Variants in HIF3A observed in about 807,000 individuals in gnomAD.
HIF3A encodes hypoxia inducible factor 3 subunit alpha.
Under a neutral mutation model 67.2 loss-of-function variants are expected in HIF3A, and 41 were observed. That is an observed-to-expected ratio of 0.61 (90% confidence interval 0.48 to 0.79). The LOEUF (loss-of-function observed/expected upper bound fraction) is 0.79, where lower values mean the gene tolerates loss of function less well. HIF3A is among the 30% of genes least tolerant of loss of function. HIF3A has a pLI of 0.00. For synonymous variants in HIF3A, 356 were observed against 374.8 expected (o/e 0.95, Z 0.58); for missense variants, 855 against 898.0 (o/e 0.95, Z 0.61).
chr19:46,321,243 C>G lies in HIF3A; in HGVS notation c.1145-533C>G, dbSNP rs118026115. On this transcript the variant is annotated intron_variant, in intron 9 of 14. Transcript: ENST00000377670. ...CCAAATGCTGTTCTGAGCCACCAAT[C>G]CCTTCCCCTCGGACCTTTCAGAGCC... Among the ~76,000 whole-genome samples, 156 of 152,256 alleles carry G rather than the reference C, an allele frequency of 1.0e-3. 1 individual carries two copies. The East Asian group carries it at 0.028, about 28-fold the overall frequency.
chr19:46,330,272 G>A (rs1337549360), intron 12 of HIF3A, among the ~76,000 whole-genome samples: 1 of 152,176 alleles, frequency 6.6e-6, no homozygotes, highest in Non-Finnish European at 1.5e-5. Context: ...CACTTTAATG[G>A]GTGGACAGGT....
chr19:46,303,925 G>C lies in HIF3A; in HGVS notation c.54G>C (p.Lys18Asn), dbSNP rs1196552259. The C allele has an allele frequency of 1.2e-6, 2 of 1,608,966 alleles. No homozygotes were observed. Among genetic ancestry groups the C allele is most frequent in the Admixed American group, 3.4e-5 (2 of 59,564 alleles). Residue 18 changes from lysine to asparagine, a missense_variant, in exon 2 of 15, where the codon AAG becomes AAC. Lys to Asn is a moderately conservative substitution (Grantham distance 94). Transcript: ENST00000377670. ...ARSTTELRKEKSRDAARSRRS... is the reference protein window; with the variant it reads ...ARSTTELRKENSRDAARSRRS... ...CGACCACGGAGCTGCGCAAGGAAAAGTCCCGGGATGCGGCCCGCAGCCGGC... is the reference window on the plus strand; with the variant it reads ...CGACCACGGAGCTGCGCAAGGAAAACTCCCGGGATGCGGCCCGCAGCCGGC...
At chr19:46,313,200 G>A (rs747934821) in intron 8 of HIF3A, 60 of 701,502 alleles carry the variant, frequency 8.6e-5, no homozygotes, top group Middle Eastern at 1.4e-3. Context: ...GCAGTGAGCC[G>A]AGATTGCGTC....
Position 46,325,520 on chromosome 19 carries a change from T to C in HIF3A, c.1336-15T>C. The C allele has an allele frequency of 6.3e-7, 1 of 1,586,762 alleles. No homozygotes were observed. Among genetic ancestry groups the C allele is most frequent in the South Asian group, 1.1e-5 (1 of 90,502 alleles). The stretch of plus-strand genomic sequence containing the variant: ...GCTCAAGATTTCCTGAAGTTTCTAC[T>C]CCATCTCTCCACAGGCTGATCTCCC... On this transcript the variant is annotated splice_polypyrimidine_tract_variant and intron_variant, in intron 10 of 14. Coordinates refer to ENST00000377670, the MANE Select transcript of HIF3A (RefSeq NM_152795.4).
chr19:46,335,723 G>A (rs1325422654), intron 14 of HIF3A, among the ~76,000 whole-genome samples: 3 of 151,986 alleles, frequency 2.0e-5, no homozygotes, highest in Admixed American at 6.6e-5. Context: ...GCAACACAGC[G>A]AGACCCTGTC....
rs868348544 is a variant in HIF3A at position 46,297,732 on chromosome 19, G to T, written c.26+630G>T. Reference sequence around the variant, plus strand: ...AAGCCGTCTGGGACCCTTCCCAAGAGACTTTTTGTATCCTTTCAAAAGCCA... The same window carrying T: ...AAGCCGTCTGGGACCCTTCCCAAGATACTTTTTGTATCCTTTCAAAAGCCA... On this transcript the variant is annotated intron_variant, in intron 1 of 14. Transcript: ENST00000377670. This position sits in a 1 kb window ranked among gnomAD's most constrained non-coding sequence, Gnocchi z 4.5. Among the ~76,000 whole-genome samples the T allele has an allele frequency of 6.6e-5, 10 of 152,180 alleles. No homozygotes were observed. In the South Asian group the frequency reaches 1.0e-3, roughly 16 times the overall value.
intron 2 of HIF3A, 115 bp downstream of exon 2, chr19:46,304,203 T>A: frequency 1.2e-6 from 1 of 865,230 alleles, no homozygotes; most frequent in Non-Finnish European, 1.6e-6. Context: ...CCCCGCCCCC[T>A]GGTGTCGTTT....
chr19:46,303,860 CCCGAGTCA>C (rs1968560768), intron 1 of HIF3A, 30 bp from the exon 2 acceptor site: 1 of 1,587,916 alleles, frequency 6.3e-7, no homozygotes, highest in Non-Finnish European at 8.6e-7. Context: ...TTTTCTCTTT[CCCGAGTCA>C]CCACCAGTGA....
At chr19:46,331,406 A>C (rs1971208022) in intron 13 of HIF3A, 133 bp downstream of exon 13, 1 of 594,884 alleles carries the variant, frequency 1.7e-6, no homozygotes, top group Non-Finnish European at 3.1e-6. Context: ...GGGCCAGCTG[A>C]GACTAAAGCC....
At chr19:46,302,570 G>A (rs745429765) in intron 1 of HIF3A, among the ~76,000 whole-genome samples, 73 of 152,198 alleles carry the variant, frequency 4.8e-4, no homozygotes, top group Non-Finnish European at 5.6e-4. Context: ...AGCCGCTTCC[G>A]GCTATAATTT....
intron 10 of HIF3A, among the ~76,000 whole-genome samples, chr19:46,323,382 G>A (rs1316483991): frequency 2.0e-5 from 3 of 152,076 alleles, no homozygotes; most frequent in Non-Finnish European, 2.9e-5. Flanking sequence ...CAATCAAAAA[G>A]GCAGGGGAAG....
chr19:46,308,629 C>T (rs559068148), intron 4 of HIF3A, 34 bp from the exon 5 acceptor site: 2 of 1,361,460 alleles, frequency 1.5e-6, no homozygotes, highest in East Asian at 2.4e-5. Context: ...GTGTAGCTGC[C>T]TGTGACCTCC....
intron 9 of HIF3A, among the ~76,000 whole-genome samples, chr19:46,320,983 G>A (rs766922687): frequency 6.6e-5 from 10 of 152,014 alleles, no homozygotes; most frequent in South Asian, 2.1e-4. Context: ...TCACTCTCCT[G>A]CCATCCTGGA....
chr19:46,304,032 C>T lies in HIF3A; in HGVS notation c.161C>T (p.Ala54Val). ...ARGVSAHLDK[A>V]SIMRLTISYL... ...GGCGTCAGCGCCCACCTGGACAAGG[C>T]CTCTATCATGCGCCTCACCATCAGC... Residue 54 changes from alanine (A) to valine (V), a missense_variant, in exon 2 of 15, where the codon GCC becomes GTC. Ala to Val is a moderately conservative substitution (Grantham distance 64). This residue lies in a region of HIF3A where 638 missense variants were observed against 660.5 expected (regional missense o/e 0.97). Coordinates refer to ENST00000377670, the MANE Select transcript of HIF3A (RefSeq NM_152795.4). 6.3e-7 allele frequency: 1 copy of T among 1,591,270 alleles called. No homozygotes were observed. The highest frequency in any genetic ancestry group is 1.7e-4 in the Middle Eastern group (1 of 5,980).
At chr19:46,313,148 GGC>G in intron 8 of HIF3A, 1 of 539,168 alleles carries the variant, frequency 1.9e-6, no homozygotes, top group Non-Finnish European at 2.4e-6. Flanking sequence ...CTACTCGGGA[GGC>G]TGAGGCACGA....
intron 2 of HIF3A, 174 bp from the exon 3 acceptor site, chr19:46,305,071 G>T: frequency 1.2e-6 from 1 of 864,686 alleles, no homozygotes; most frequent in Non-Finnish European, 1.9e-6. Context: ...AGTGCTTCTT[G>T]GTCCTGCTTT....
At chr19:46,302,208 C>A (rs1031133726) in intron 1 of HIF3A, among the ~76,000 whole-genome samples, 37 of 150,766 alleles carry the variant, frequency 2.5e-4, no homozygotes, top group African/African-American at 8.8e-4. Flanking sequence ...TGGCTCACTG[C>A]AACCTCCACC....
chr19:46,326,695 G>C (rs1487978488), intron 11 of HIF3A, among the ~76,000 whole-genome samples: 1 of 152,038 alleles, frequency 6.6e-6, no homozygotes, highest in African/African-American at 2.4e-5. Flanking sequence ...GGACTAATGG[G>C]GACAAGTCAT....
chr19:46,329,700 C>T (rs1288790094), intron 12 of HIF3A, among the ~76,000 whole-genome samples: 1 of 152,152 alleles, frequency 6.6e-6, no homozygotes, highest in Non-Finnish European at 1.5e-5. Context: ...CACTGTTTAT[C>T]CAAATCCCAC....
Sources: gnomAD v4.1 joint callset for allele counts (sites outside exome capture counted in the v4.1 genomes callset) on GRCh38, gnomAD v4.1.1 for gene constraint, gnomAD v4.1.1 regional missense constraint, Gnocchi (gnomAD v3.1) non-coding constraint, MANE v1.5 for transcripts, NCBI Gene and HGNC (gene_info 2026-07-23, HGNC 2026-07-21) for gene names.